Variants in AGBL1 observed in about 807,000 individuals in gnomAD.
AGBL1 encodes the protein cytosolic carboxypeptidase 4.
Under a neutral mutation model 118.9 loss-of-function variants are expected in AGBL1, and 130 were observed. The observed-to-expected ratio is 1.09, with a 90% CI of 0.95 to 1.26. The LOEUF (loss-of-function observed/expected upper bound fraction) is 1.26, where lower values mean the gene tolerates loss of function less well. Ranked by LOEUF, AGBL1 falls within the 50% of genes most tolerant of loss-of-function variation. The probability of loss-of-function intolerance (pLI) is 0.00; values close to 1 mark genes in which losing one functional copy is unlikely to be tolerated. For missense variants in AGBL1, 1,584 were observed against 1,298.1 expected (o/e 1.22, Z -3.38); for synonymous variants, 555 against 478.9 (o/e 1.16, Z -2.08).
At chr15:86,347,353 C>A (rs1445348158) in intron 17 of AGBL1, among the ~76,000 whole-genome samples, 2 of 152,172 alleles carry the variant, frequency 1.3e-5, no homozygotes, top group Admixed American at 6.5e-5. Flanking sequence ...GCAGGATTGG[C>A]CCAAAGTAAT....
At chr15:86,562,146 T>G (rs937142114) in intron 21 of AGBL1, among the ~76,000 whole-genome samples, 55 of 152,218 alleles carry the variant, frequency 3.6e-4, no homozygotes, top group African/African-American at 1.3e-3. Flanking sequence ...TACCCTTTAT[T>G]TCTTTCTCCT....
intron 17 of AGBL1, among the ~76,000 whole-genome samples, chr15:86,324,880 T>C (rs1292307873): frequency 3.9e-5 from 6 of 152,100 alleles, no homozygotes; most frequent in Admixed American, 1.3e-4. Flanking sequence ...AGCCAATGTC[T>C]CCCTAGCTCA....
chr15:86,547,013 C>A (rs370811643), intron 20 of AGBL1, among the ~76,000 whole-genome samples: 146 of 152,214 alleles, frequency 9.6e-4, no homozygotes, highest in African/African-American at 3.3e-3. Context: ...ACCAAGTCAC[C>A]ATTTCACCTG....
At chr15:86,673,171 C>T (rs1304916461) in intron 21 of AGBL1, among the ~76,000 whole-genome samples, 3 of 152,206 alleles carry the variant, frequency 2.0e-5, no homozygotes, top group East Asian at 1.9e-4. Context: ...TTGTATTAAA[C>T]GTCTTTATAG....
chr15:86,934,372 T>A (rs896542370), intron 23 of AGBL1, among the ~76,000 whole-genome samples: 5 of 152,184 alleles, frequency 3.3e-5, no homozygotes, highest in African/African-American at 1.2e-4. Flanking sequence ...AATAAGTCTT[T>A]GGGATCATCC....
At chr15:86,711,549 T>C (rs535516435) in intron 22 of AGBL1, among the ~76,000 whole-genome samples, 1 of 152,318 alleles carries the variant, frequency 6.6e-6, no homozygotes, top group Admixed American at 6.5e-5. Context: ...CAAGAACTGC[T>C]AGCCCTTACA....
At chr15:86,556,110 G>T in intron 21 of AGBL1, 3 of 752,658 alleles carry the variant, frequency 4.0e-6, no homozygotes, top group Non-Finnish European at 6.4e-6. Context: ...TTCTAGTCAC[G>T]TAAGTATCAG....
chr15:86,350,308 C>G (rs763906912), intron 17 of AGBL1, among the ~76,000 whole-genome samples: 3 of 152,222 alleles, frequency 2.0e-5, no homozygotes, highest in Non-Finnish European at 4.4e-5. Context: ...TCAGTATTGA[C>G]AGACTCTGAT....
At chr15:86,791,488 A>G (rs1231494009) in intron 22 of AGBL1, among the ~76,000 whole-genome samples, 1 of 152,052 alleles carries the variant, frequency 6.6e-6, no homozygotes, top group Non-Finnish European at 1.5e-5. Context: ...GCTGGCCACA[A>G]TGGCCTCAGT....
At chr15:87,014,111 T>C (rs916227202) in intron 24 of AGBL1, among the ~76,000 whole-genome samples, 1 of 152,170 alleles carries the variant, frequency 6.6e-6, no homozygotes, top group Non-Finnish European at 1.5e-5. Flanking sequence ...CATTGCTTGG[T>C]TTAAGGCTGA....
Position 86,467,768 on chromosome 15 carries a change from C to T in AGBL1, c.2556-55042C>T, listed in dbSNP as rs541368192. ...GCACTTCCTGGGTGAGGCGATGCCC[C>T]AACCCTGCTTCTGCTCACCCTGCTT... On this transcript the variant is annotated intron_variant, in intron 18 of 22. Transcript: ENST00000614907. Among the ~76,000 whole-genome samples, 131 of 152,274 alleles carry T rather than the reference C, an allele frequency of 8.6e-4. 1 individual carries two copies. The highest frequency in any genetic ancestry group is 1.6e-3 in the Non-Finnish European group (111 of 68,026).
At position 86,256,975 on chromosome 15, in the gene AGBL1, C is replaced by G. The variant is rs762908428; in HGVS notation, c.858C>G (p.Val286=). Residue 286 remains valine (V), a synonymous_variant, in exon 8 of 23, where the codon GTC becomes GTG. Transcript: ENST00000614907. ...VTASSAYAFP[V]PGCITTEPPH... is the part of the protein sequence containing the mutation. ...CCAGCAGTGCCTATGCCTTCCCGGT[C>G]CCCGGGTGCATCACCACTGAACCTC... 77 of 1,613,704 alleles carry G rather than the reference C, an allele frequency of 4.8e-5. No individual in the cohort carries two copies. The highest frequency in any genetic ancestry group is 6.4e-5 in the Non-Finnish European group (75 of 1,179,832).
intron 22 of AGBL1, among the ~76,000 whole-genome samples, chr15:86,692,614 T>C (rs2142610057): frequency 6.6e-6 from 1 of 152,282 alleles, no homozygotes; most frequent in Non-Finnish European, 1.5e-5. Flanking sequence ...TTCAAATTTT[T>C]TTTTATTTCC....
At chr15:86,087,833 T>C (rs957860067) in intron 1 of AGBL1, among the ~76,000 whole-genome samples, 18 of 152,148 alleles carry the variant, frequency 1.2e-4, no homozygotes, top group African/African-American at 4.3e-4. Context: ...AGGAAGGGCA[T>C]TTGGAAGATT....
chr15:86,126,015 G>A (rs1005008118), intron 1 of AGBL1, among the ~76,000 whole-genome samples: 4 of 152,046 alleles, frequency 2.6e-5, no homozygotes, highest in Non-Finnish European at 5.9e-5. Flanking sequence ...CTGGCTAATT[G>A]CCAAACATTC....
In AGBL1 at chr15:86,256,960, C is replaced by T. The variant is rs150851131; in HGVS notation, c.843C>T (p.Ala281=). ...TTCCCTTGGTCACAGCCAGCAGTGCCTATGCCTTCCCGGTCCCCGGGTGCA... is the reference window on the plus strand; with the variant it reads ...TTCCCTTGGTCACAGCCAGCAGTGCTTATGCCTTCCCGGTCCCCGGGTGCA... ...SPLPLVTASS[A]YAFPVPGCIT... The change falls in exon 8 of 23, where the codon GCC becomes GCT. Residue 281 remains alanine, a synonymous_variant. Transcript: ENST00000614907. 2 of 1,613,956 alleles carry T rather than the reference C, an allele frequency of 1.2e-6. No homozygotes were observed. The highest frequency in any genetic ancestry group is 1.1e-5 in the South Asian group (1 of 91,078).
At chr15:86,772,135 G>C (rs777307302) in intron 22 of AGBL1, among the ~76,000 whole-genome samples, 3 of 151,992 alleles carry the variant, frequency 2.0e-5, no homozygotes, top group Non-Finnish European at 4.4e-5. Context: ...ATCTCCTTCA[G>C]CATCTCCTTG....
intron 21 of AGBL1, among the ~76,000 whole-genome samples, chr15:86,603,051 A>G (rs2084520562): frequency 6.6e-6 from 1 of 152,294 alleles, no homozygotes; most frequent in South Asian, 2.1e-4. Flanking sequence ...AGAAGAAAGC[A>G]ATGATAGGAT....
chr15:86,195,012 A>G (rs186044572), intron 5 of AGBL1, among the ~76,000 whole-genome samples: 3 of 152,314 alleles, frequency 2.0e-5, no homozygotes, highest in African/African-American at 4.8e-5. Flanking sequence ...GTCACTAAGC[A>G]TGAGTGATTT....
Sources: allele counts gnomAD v4.1 joint callset (sites outside exome capture counted in the v4.1 genomes callset), GRCh38; gene constraint gnomAD v4.1.1; transcripts MANE v1.5; gene names NCBI Gene and HGNC (gene_info 2026-07-23, HGNC 2026-07-21).